Variants in NAALADL2 observed in about 807,000 individuals in gnomAD.
NAALADL2 encodes the protein N-acetylated alpha-linked acidic dipeptidase like 2.
A neutral mutation model predicts 87.2 loss-of-function variants in NAALADL2; 76 were observed. The observed-to-expected ratio is 0.87, with a 90% confidence interval of 0.72 to 1.05. The LOEUF (loss-of-function observed/expected upper bound fraction) is 1.05, where lower values mean the gene tolerates loss of function less well. Ranked by LOEUF, NAALADL2 falls within the 50% of genes least tolerant of loss-of-function variation. The probability of loss-of-function intolerance (pLI) is 0.00; values close to 1 mark genes in which losing one functional copy is unlikely to be tolerated. For missense variants in NAALADL2, 1,089 were observed against 945.8 expected, an observed-to-expected ratio of 1.15 and a Z score of -1.99; for synonymous variants, 354 against 331.0, an observed-to-expected ratio of 1.07 and a Z score of -0.75.
At chr3:175,636,210 G>A (rs1286058277) in intron 11 of NAALADL2, among the ~76,000 whole-genome samples, 1 of 152,012 alleles carries the variant, frequency 6.6e-6, no homozygotes, top group South Asian at 2.1e-4. Flanking sequence ...GTGTGTGTGT[G>A]TGTGCGTGTG....
intron 1 of NAALADL2, among the ~76,000 whole-genome samples, chr3:174,882,693 G>T (rs1226854586): frequency 7.2e-6 from 1 of 138,632 alleles, no homozygotes; most frequent in Non-Finnish European, 1.5e-5. Flanking sequence ...GTGTATCCGT[G>T]TATATACATG....
At position 175,502,229 on chromosome 3, in the gene NAALADL2, GT is replaced by G. The variant is rs1235534005; in HGVS notation, c.1653+30472del. On this transcript the variant is annotated intron_variant, in intron 9 of 13. Transcript: ENST00000454872. ...GATATTTGGCAAACCATTATCCTGG[GT>G]GTGTGTGTGTGTGTGTGTGTGTGTG... 1.8e-3 allele frequency among the ~76,000 whole-genome samples: 126 copies of G among 71,382 alleles called. 1 individual carries two copies. The highest frequency in any genetic ancestry group is 0.017 in the African/African-American group (120 of 7,218). The allele number at this position is 71,382 out of a possible 152,430, so 46.8% of individuals were successfully genotyped here.
intron 1 of NAALADL2, among the ~76,000 whole-genome samples, chr3:175,003,354 C>CA (rs113056666): frequency 1.4e-4 from 22 of 151,994 alleles, no homozygotes; most frequent in African/African-American, 5.1e-4. Flanking sequence ...CATGTCTCTA[C>CA]AAAAAACAAC....
At chr3:174,987,598 A>G (rs113140946) in intron 1 of NAALADL2, among the ~76,000 whole-genome samples, 2 of 135,790 alleles carry the variant, frequency 1.5e-5, no homozygotes, top group Non-Finnish European at 3.0e-5. Flanking sequence ...AAAAAAAAAA[A>G]CAATACTCAT....
At chr3:175,370,415 A>G (rs1766318697) in intron 5 of NAALADL2, among the ~76,000 whole-genome samples, 1 of 152,124 alleles carries the variant, frequency 6.6e-6, no homozygotes, top group Admixed American at 6.6e-5. Flanking sequence ...AATGGAAATT[A>G]TTATCACCAT....
chr3:175,100,430 T>C (rs1461254), intron 2 of NAALADL2, among the ~76,000 whole-genome samples: 7,223 of 152,260 alleles, frequency 0.047, 493 homozygotes, highest in African/African-American at 0.15. Flanking sequence ...ATTTGGAAGA[T>C]GTAGGGGTGG....
At chr3:174,495,576 G>T (rs1718479551) in intron 1 of NAALADL2, among the ~76,000 whole-genome samples, 1 of 152,134 alleles carries the variant, frequency 6.6e-6, no homozygotes, top group Admixed American at 6.6e-5. Flanking sequence ...TCAATTACAA[G>T]GCTGCCAGAA....
intron 1 of NAALADL2, among the ~76,000 whole-genome samples, chr3:175,094,757 A>AGTGT (rs369083345): frequency 0.043 from 5,395 of 125,940 alleles, 116 homozygotes; most frequent in African/African-American, 0.062. Flanking sequence ...CAGACACTAT[A>AGTGT]GTGTGTGTGT....
chr3:175,466,912 A>C, intron 7 of NAALADL2, 67 bp from the exon 8 acceptor site: 1 of 1,272,400 alleles, frequency 7.9e-7, no homozygotes, highest in Admixed American at 1.7e-5. Flanking sequence ...GAATTATGTA[A>C]ATGTCATTAA....
At chr3:175,549,785 T>C (rs1470099241) in intron 9 of NAALADL2, among the ~76,000 whole-genome samples, 1 of 152,060 alleles carries the variant, frequency 6.6e-6, no homozygotes, top group Admixed American at 6.5e-5. Flanking sequence ...GAAGTTATTA[T>C]TACACTAGCA....
intron 3 of NAALADL2, among the ~76,000 whole-genome samples, chr3:174,772,784 A>G (rs553653115): frequency 1.3e-5 from 2 of 152,302 alleles, no homozygotes; most frequent in African/African-American, 4.8e-5. Flanking sequence ...CCATGAAACA[A>G]TTGTGAAATG....
At chr3:175,324,075 GAA>G (rs1760365282) in intron 4 of NAALADL2, 98 bp from the exon 5 acceptor site, 1 of 788,244 alleles carries the variant, frequency 1.3e-6, no homozygotes, top group Non-Finnish European at 1.9e-6. Context: ...AAAAAAACTG[GAA>G]AAAGAGTCAT....
intron 1 of NAALADL2, among the ~76,000 whole-genome samples, chr3:175,010,275 G>A (rs973827251): frequency 7.2e-5 from 11 of 152,038 alleles, no homozygotes; most frequent in Admixed American, 4.6e-4. Context: ...CAGCCATATG[G>A]CCTAAAAGTA....
At chr3:175,683,787 T>A (rs2149890654) in intron 11 of NAALADL2, among the ~76,000 whole-genome samples, 1 of 152,172 alleles carries the variant, frequency 6.6e-6, no homozygotes, top group South Asian at 2.1e-4. Flanking sequence ...TATAAGGTGG[T>A]AGTCTTTTCC....
intron 2 of NAALADL2, among the ~76,000 whole-genome samples, chr3:174,648,279 C>T (rs1056090509): frequency 3.3e-5 from 5 of 151,626 alleles, no homozygotes; most frequent in Non-Finnish European, 2.9e-5. Context: ...GCTGAGATCA[C>T]GCCATTGCAC....
intron 1 of NAALADL2, among the ~76,000 whole-genome samples, chr3:174,868,290 T>TAC (rs1401008145): frequency 6.6e-6 from 1 of 152,134 alleles, no homozygotes; most frequent in Non-Finnish European, 1.5e-5. Flanking sequence ...ATATGGAGGG[T>TAC]ATGTCTGCTG....
intron 2 of NAALADL2, among the ~76,000 whole-genome samples, chr3:174,565,625 TA>T (rs1392382906): frequency 2.6e-5 from 4 of 152,050 alleles, no homozygotes; most frequent in Admixed American, 1.3e-4. Flanking sequence ...ATAAAGCTGC[TA>T]AAAAACATTC....
intron 10 of NAALADL2, among the ~76,000 whole-genome samples, chr3:175,590,877 G>T (rs956533790): frequency 6.6e-6 from 1 of 152,120 alleles, no homozygotes; most frequent in Non-Finnish European, 1.5e-5. Context: ...ATAGGTATTT[G>T]CTTTCAGTAC....
intron 11 of NAALADL2, among the ~76,000 whole-genome samples, chr3:175,650,422 G>A (rs190383579): frequency 2.9e-4 from 44 of 152,262 alleles, no homozygotes; most frequent in Middle Eastern, 3.4e-3. Context: ...TGTGGAGTAG[G>A]ATGCACAACT....
Sources: allele counts gnomAD v4.1 joint callset (sites outside exome capture counted in the v4.1 genomes callset), GRCh38; gene constraint gnomAD v4.1.1; transcripts MANE v1.5; gene names NCBI Gene and HGNC (gene_info 2026-07-23, HGNC 2026-07-21).